INPP5A: variants seen among roughly 807,000 people sequenced by gnomAD.
The protein encoded by INPP5A is inositol polyphosphate-5-phosphatase A.
In INPP5A, 14 loss-of-function variants were observed where a neutral mutation model predicts 65.2. The observed-to-expected ratio is 0.21, with a 90% CI of 0.14 to 0.34. The LOEUF (loss-of-function observed/expected upper bound fraction) is 0.34, where lower values mean the gene tolerates loss of function less well. Ranked by LOEUF, INPP5A falls within the 10% of genes least tolerant of loss-of-function variation. The pLI is 1.00. For synonymous variants in INPP5A, 207 were observed against 208.3 expected (o/e 0.99, Z 0.05); for missense variants, 431 against 545.6 (o/e 0.79, Z 2.09).
At chr10:132,592,754 A>G (rs1334153590) in intron 1 of INPP5A, among the ~76,000 whole-genome samples, 2 of 152,246 alleles carry the variant, frequency 1.3e-5, no homozygotes, top group African/African-American at 4.8e-5. Flanking sequence ...ACAGGCATGT[A>G]TAGTCCTAAT....
chr10:132,757,328 G>A (rs989906336), intron 11 of INPP5A, among the ~76,000 whole-genome samples: 6 of 152,208 alleles, frequency 3.9e-5, no homozygotes, highest in African/African-American at 1.2e-4. Flanking sequence ...AGCTCCCTTC[G>A]CGAGCGGGGC....
At position 132,616,552 on chromosome 10, in the gene INPP5A, G is replaced by C. The variant is rs2072036270; in HGVS notation, c.117+8596G>C. Among the ~76,000 whole-genome samples, 1 of 152,122 alleles carries C rather than the reference G, an allele frequency of 6.6e-6. No homozygotes were observed. Among genetic ancestry groups the C allele is most frequent in the African/African-American group, 2.4e-5 (1 of 41,412 alleles). Reference sequence around the variant, plus strand: ...GGGACATGGTGTATGGGACGTGGTGGTGACATAGTGTGTGTTGGTGATAGG... The same window carrying C: ...GGGACATGGTGTATGGGACGTGGTGCTGACATAGTGTGTGTTGGTGATAGG... On this transcript the variant is annotated intron_variant, in intron 2 of 15. Transcript: ENST00000368594. This position sits in a 1 kb window ranked among gnomAD's most constrained non-coding sequence, Gnocchi z 4.9.
At chr10:132,646,785 C>T (rs1034633428) in intron 3 of INPP5A, among the ~76,000 whole-genome samples, 10 of 152,046 alleles carry the variant, frequency 6.6e-5, no homozygotes, top group Admixed American at 1.3e-4. Context: ...GCCGCTGCCA[C>T]GCTCTGTGGG....
rs1040828949 is a variant in INPP5A, at chr10:132,663,378, C to T, written c.306+12873C>T. 3.2e-4 allele frequency among the ~76,000 whole-genome samples: 48 copies of T among 151,922 alleles called. No individual in the cohort carries two copies. The highest frequency in any genetic ancestry group is 1.1e-3 in the African/African-American group (44 of 41,322). On this transcript the variant is annotated intron_variant, in intron 4 of 15. Transcript: ENST00000368594. The surrounding 1 kb of genome is among the most constrained non-coding windows in gnomAD (Gnocchi z 4.5). ...CTGAGGATACAGGTGTGCATCACCACGCCTGGCTAAAAAAAAACTGTTTAT... is the reference window on the plus strand; with the variant it reads ...CTGAGGATACAGGTGTGCATCACCATGCCTGGCTAAAAAAAAACTGTTTAT...
chr10:132,736,656 C>T (rs975648875), intron 9 of INPP5A, among the ~76,000 whole-genome samples: 5 of 152,244 alleles, frequency 3.3e-5, no homozygotes, highest in East Asian at 1.9e-4. Flanking sequence ...AGACCATGGC[C>T]GGCAAGAGCA....
intron 9 of INPP5A, among the ~76,000 whole-genome samples, chr10:132,749,286 C>G (rs912358042): frequency 6.6e-6 from 1 of 151,298 alleles, no homozygotes; most frequent in Non-Finnish European, 1.5e-5. Flanking sequence ...CCGGGGTGTC[C>G]TCACGGTTGC....
At chr10:132,761,803 A>T (rs1351925113) in intron 11 of INPP5A, among the ~76,000 whole-genome samples, 3 of 152,226 alleles carry the variant, frequency 2.0e-5, no homozygotes, top group Non-Finnish European at 4.4e-5. Context: ...GTAAGGACAC[A>T]TTCCACAGAT....
At chr10:132,570,828 G>A (rs781592438) in intron 1 of INPP5A, among the ~76,000 whole-genome samples, 7 of 152,200 alleles carry the variant, frequency 4.6e-5, no homozygotes, top group Non-Finnish European at 7.3e-5. Context: ...AGGAGGTGGG[G>A]GTGTTCTGTG....
chr10:132,552,434 C>A (rs1298568068), intron 1 of INPP5A, among the ~76,000 whole-genome samples: 34 of 102,838 alleles, frequency 3.3e-4, no homozygotes, highest in Admixed American at 4.8e-4. Flanking sequence ...GCCTTGGTGG[C>A]ATATTGAGTA....
intron 9 of INPP5A, among the ~76,000 whole-genome samples, chr10:132,746,060 C>G (rs11146496): frequency 1.6e-4 from 25 of 152,278 alleles, no homozygotes; most frequent in African/African-American, 6.0e-4. Context: ...GTTGCCTGCA[C>G]GTGTGCCCAG....
chr10:132,782,162 C>A lies in INPP5A; in HGVS notation c.*133C>A. ...GCCACCTGCTAGACGGCCAGCCCCA[C>A]ACTTCGCTTCAGCCTCCGGACCATT... On this transcript the variant is annotated 3_prime_UTR_variant, in exon 16 of 16. Transcript: ENST00000368594. The surrounding 1 kb of genome is among the most constrained non-coding windows in gnomAD (Gnocchi z 4.4). 1 of 1,448,214 alleles carries A rather than the reference C, an allele frequency of 6.9e-7. No individual in the cohort carries two copies. 89.7% of individuals were successfully genotyped at this position (1,448,214 alleles called of 1,614,324 possible).
chr10:132,723,315 C>T (rs1845919965), intron 8 of INPP5A, among the ~76,000 whole-genome samples: 1 of 152,236 alleles, frequency 6.6e-6, no homozygotes, highest in Non-Finnish European at 1.5e-5. Context: ...GCCGGGAGGC[C>T]GCATTTCCTC....
chr10:132,663,253 ACT>A lies in INPP5A; in HGVS notation c.306+12751_306+12752del, dbSNP rs763573951. Among the ~76,000 whole-genome samples, 3 of 152,128 alleles carry A rather than the reference ACT, an allele frequency of 2.0e-5. No individual in the cohort carries two copies. Among genetic ancestry groups the A allele is most frequent in the Admixed American group, 1.3e-4 (2 of 15,282 alleles). On this transcript the variant is annotated intron_variant, in intron 4 of 15. Coordinates refer to ENST00000368594, the MANE Select transcript of INPP5A (RefSeq NM_005539.5). This position sits in a 1 kb window ranked among gnomAD's most constrained non-coding sequence, Gnocchi z 4.5. Reference sequence around the variant, plus strand: ...TTATTTTATTTTGACACAGGATGTCACTCTGTTGCCCAGGCTGGAGTGCAGTA... The same window carrying A: ...TTATTTTATTTTGACACAGGATGTCACTGTTGCCCAGGCTGGAGTGCAGTA...
intron 2 of INPP5A, among the ~76,000 whole-genome samples, chr10:132,608,489 G>C (rs1362312035): frequency 6.6e-6 from 1 of 152,238 alleles, no homozygotes; most frequent in Admixed American, 6.5e-5. Context: ...TGGTGTGGAC[G>C]CTGCAGATGC....
chr10:132,752,240 G>A (rs1846499152), intron 11 of INPP5A, among the ~76,000 whole-genome samples: 1 of 152,022 alleles, frequency 6.6e-6, no homozygotes, highest in African/African-American at 2.4e-5. Flanking sequence ...AGTCTCCGGG[G>A]ACCTTGCACA....
intron 1 of INPP5A, among the ~76,000 whole-genome samples, chr10:132,595,182 G>A (rs759810134): frequency 1.3e-5 from 2 of 152,132 alleles, no homozygotes; most frequent in African/African-American, 4.8e-5. Flanking sequence ...TGGAGTCCCC[G>A]CGGACCCTCA....
chr10:132,590,428 T>C (rs760128324), intron 1 of INPP5A, among the ~76,000 whole-genome samples: 61 of 152,184 alleles, frequency 4.0e-4, no homozygotes, highest in Middle Eastern at 6.8e-3. Context: ...GCAGGGAGGC[T>C]GGGAAGTCAG....
intron 8 of INPP5A, among the ~76,000 whole-genome samples, chr10:132,724,301 C>G (rs921237644): frequency 4.6e-5 from 7 of 152,196 alleles, no homozygotes; most frequent in African/African-American, 7.2e-5. Context: ...TGACCGTCCG[C>G]TTGGGAAATC....
intron 1 of INPP5A, among the ~76,000 whole-genome samples, chr10:132,540,762 G>A (rs1159948722): frequency 6.6e-6 from 1 of 152,268 alleles, no homozygotes; most frequent in Non-Finnish European, 1.5e-5. Context: ...TGCAGGCAGT[G>A]CTCAGGCTGT....
Sources: gnomAD v4.1 joint callset for allele counts (sites outside exome capture counted in the v4.1 genomes callset) on GRCh38, gnomAD v4.1.1 for gene constraint, Gnocchi (gnomAD v3.1) non-coding constraint, MANE v1.5 for transcripts, NCBI Gene and HGNC (gene_info 2026-07-23, HGNC 2026-07-21) for gene names.